The following DGKB variants were observed in gnomAD, a reference collection of about 807,000 sequenced individuals.
The protein encoded by DGKB is diacylglycerol kinase beta, also known as 90 kDa diacylglycerol kinase.
A neutral mutation model predicts 114.3 loss-of-function variants in DGKB; 67 were observed. The ratio of observed to expected loss-of-function variants is 0.59; its 90% CI spans 0.48 to 0.72. The LOEUF (loss-of-function observed/expected upper bound fraction) is 0.72. Ranked by LOEUF, DGKB falls within the 30% of genes least tolerant of loss-of-function variation. DGKB has a pLI of 0.00. For synonymous variants in DGKB, 398 were observed against 323.1 expected (o/e 1.23, Z -2.49); for missense variants, 907 against 975.2 (o/e 0.93, Z 0.93).
intron 1 of DGKB, among the ~76,000 whole-genome samples, chr7:14,865,674 C>G (rs899630695): frequency 8.5e-5 from 13 of 152,062 alleles, no homozygotes; most frequent in African/African-American, 3.1e-4. Flanking sequence ...CCATCATATA[C>G]AGTGAGAATG....
At chr7:14,530,944 T>C (rs1715245457) in intron 20 of DGKB, among the ~76,000 whole-genome samples, 1 of 151,508 alleles carries the variant, frequency 6.6e-6, no homozygotes, top group African/African-American at 2.4e-5. Context: ...ATAACTTAAA[T>C]TTAAACCAAA....
intron 15 of DGKB, among the ~76,000 whole-genome samples, chr7:14,619,671 A>G (rs1807239722): frequency 6.6e-6 from 1 of 151,652 alleles, no homozygotes; most frequent in South Asian, 2.1e-4. Context: ...TGGGAGTGAA[A>G]CACATAAACT....
At chr7:14,595,592 GTA>G (rs764115502) in intron 17 of DGKB, among the ~76,000 whole-genome samples, 25 of 150,226 alleles carry the variant, frequency 1.7e-4, no homozygotes, top group African/African-American at 5.9e-4. Flanking sequence ...TAAAAGTGAT[GTA>G]TATATATAAA....
intron 1 of DGKB, among the ~76,000 whole-genome samples, chr7:14,884,923 A>G (rs1371926563): frequency 6.6e-6 from 1 of 152,014 alleles, no homozygotes; most frequent in Non-Finnish European, 1.5e-5. Flanking sequence ...TGCTTTCCTT[A>G]AATCACGTAA....
At chr7:14,681,295 A>G (rs986514549) in intron 12 of DGKB, among the ~76,000 whole-genome samples, 8 of 152,134 alleles carry the variant, frequency 5.3e-5, no homozygotes, top group Non-Finnish European at 1.2e-4. Context: ...AGAAAATTTC[A>G]AATGTAAACA....
chr7:14,527,311 G>A (rs1790809361), intron 20 of DGKB, among the ~76,000 whole-genome samples: 1 of 151,986 alleles, frequency 6.6e-6, no homozygotes, highest in Admixed American at 6.6e-5. Flanking sequence ...AACAGAATTG[G>A]GAATTTATTT....
chr7:14,667,414 T>C (rs186332626), intron 13 of DGKB, among the ~76,000 whole-genome samples: 5 of 151,988 alleles, frequency 3.3e-5, no homozygotes, highest in Admixed American at 2.6e-4. Context: ...AAGGAAAAAA[T>C]AAAACTAGAC....
chr7:14,445,863 C>T (rs1830659944), intron 21 of DGKB, among the ~76,000 whole-genome samples: 1 of 151,962 alleles, frequency 6.6e-6, no homozygotes, highest in African/African-American at 2.4e-5. Context: ...TATTCTGAAA[C>T]ATAGACGTAA....
At chr7:14,539,399 A>G (rs962622199) in intron 20 of DGKB, among the ~76,000 whole-genome samples, 2 of 152,188 alleles carry the variant, frequency 1.3e-5, no homozygotes, top group Non-Finnish European at 2.9e-5. Flanking sequence ...TACATGAAGT[A>G]TTGTAAAGAT....
chr7:14,894,868 CTA>C (rs1384022149), intron 1 of DGKB, among the ~76,000 whole-genome samples: 1 of 151,572 alleles, frequency 6.6e-6, no homozygotes, highest in African/African-American at 2.4e-5. Context: ...GGCTTTTATG[CTA>C]TGTTATCTTT....
At chr7:14,596,332 A>C (rs887652059) in intron 17 of DGKB, among the ~76,000 whole-genome samples, 1 of 152,204 alleles carries the variant, frequency 6.6e-6, no homozygotes, top group Non-Finnish European at 1.5e-5. Context: ...AGAATTTTCC[A>C]AGGATAAGCT....
intron 23 of DGKB, chr7:14,192,008 T>G (rs533145863): frequency 7.6e-6 from 4 of 529,250 alleles, no homozygotes; most frequent in Non-Finnish European, 1.4e-5. Context: ...TTGAGAGCTT[T>G]TCTGACTATC....
chr7:14,577,730 T>G lies in DGKB; in HGVS notation c.1609+3132A>C, dbSNP rs79421140. ...AGAGAGACTAATGATTGCCAGAAATTTACAAAAAGAATGCTAATTAAGCTA... is the reference window on the plus strand; with the variant it reads ...AGAGAGACTAATGATTGCCAGAAATGTACAAAAAGAATGCTAATTAAGCTA... On this transcript the variant is annotated intron_variant, in intron 19 of 25. Coordinates refer to ENST00000402815, the MANE Select transcript of DGKB (RefSeq NM_001350709.2). 3.7e-3 allele frequency among the ~76,000 whole-genome samples: 569 copies of G among 152,256 alleles called. 3 individuals are homozygous for G. The highest frequency in any genetic ancestry group is 0.012 in the African/African-American group (502 of 41,542).
chr7:14,546,575 T>C lies in DGKB; in HGVS notation c.1770+27637A>G, dbSNP rs1193908658. ...TCCCCCTAGGTTTTTCTGGTGGAAC[T>C]GGAAGGTAAGATTGTGTCTTTCCAC... On this transcript the variant is annotated intron_variant, in intron 20 of 25. Transcript: ENST00000402815. Among the ~76,000 whole-genome samples the C allele has an allele frequency of 3.9e-5, 6 of 152,262 alleles. No homozygotes were observed. In the East Asian group the frequency reaches 7.7e-4, roughly 20 times the overall value.
intron 20 of DGKB, among the ~76,000 whole-genome samples, chr7:14,554,463 T>A (rs1039327303): frequency 1.6e-4 from 24 of 152,248 alleles, no homozygotes; most frequent in African/African-American, 5.3e-4. Flanking sequence ...AACTATTATG[T>A]CTTTAAATAT....
At chr7:14,803,628 T>C (rs1842446730) in intron 2 of DGKB, among the ~76,000 whole-genome samples, 2 of 151,786 alleles carry the variant, frequency 1.3e-5, no homozygotes. Flanking sequence ...TTGAATTTAT[T>C]ATGATTGCTT....
chr7:14,357,415 C>G (rs1363269358), intron 21 of DGKB, among the ~76,000 whole-genome samples: 1 of 152,144 alleles, frequency 6.6e-6, no homozygotes, highest in Admixed American at 6.6e-5. Flanking sequence ...ACTAGGATTG[C>G]AACCCCTGCT....
chr7:14,245,280 C>T (rs1794308705), intron 23 of DGKB, among the ~76,000 whole-genome samples: 2 of 152,064 alleles, frequency 1.3e-5, no homozygotes, highest in South Asian at 4.2e-4. Flanking sequence ...ACTAAAATCC[C>T]ATATTTAATT....
intron 2 of DGKB, chr7:14,814,290 C>G (rs1843806285): frequency 6.6e-6 from 1 of 152,212 alleles, no homozygotes; most frequent in South Asian, 2.1e-4. Context: ...CCATTACAAC[C>G]ACTTTATTAC....
Sources: allele counts gnomAD v4.1 joint callset (sites outside exome capture counted in the v4.1 genomes callset), GRCh38; gene constraint gnomAD v4.1.1; transcripts MANE v1.5; gene names NCBI Gene and HGNC (gene_info 2026-07-23, HGNC 2026-07-21).